Variants in PACRG observed in about 807,000 individuals in gnomAD.
PACRG encodes the protein parkin coregulated gene protein.
In PACRG, 29 loss-of-function variants were observed where a neutral mutation model predicts 29.7. The ratio of observed to expected loss-of-function variants is 0.98; its 90% CI spans 0.73 to 1.33. The LOEUF (loss-of-function observed/expected upper bound fraction) is 1.33, where lower values mean the gene tolerates loss of function less well. Ranked by LOEUF, PACRG falls within the 40% of genes most tolerant of loss-of-function variation. The probability of loss-of-function intolerance (pLI) is 0.00; values close to 1 mark genes in which losing one functional copy is unlikely to be tolerated. For synonymous variants in PACRG, 116 were observed against 118.7 expected (o/e 0.98, Z 0.15); for missense variants, 279 against 316.2 (o/e 0.88, Z 0.89).
intron 2 of PACRG, among the ~76,000 whole-genome samples, chr6:162,824,508 C>G (rs963657580): frequency 6.6e-6 from 1 of 152,042 alleles, no homozygotes; most frequent in Non-Finnish European, 1.5e-5. Flanking sequence ...ACAGATTTGC[C>G]GTTGCATTTT....
chr6:163,075,745 A>G (rs992227822), intron 3 of PACRG, among the ~76,000 whole-genome samples: 2 of 152,218 alleles, frequency 1.3e-5, no homozygotes, highest in Admixed American at 1.3e-4. Context: ...CCTTAATCTG[A>G]TACAGGGAAT....
intron 4 of PACRG, among the ~76,000 whole-genome samples, chr6:163,146,141 CTCT>C (rs962324894): frequency 2.0e-5 from 3 of 152,116 alleles, no homozygotes; most frequent in South Asian, 2.1e-4. Flanking sequence ...TCCGTTCTCC[CTCT>C]TCTTCTTTCT....
intron 2 of PACRG, among the ~76,000 whole-genome samples, chr6:162,887,880 T>A (rs184485198): frequency 9.9e-5 from 15 of 152,242 alleles, no homozygotes; most frequent in African/African-American, 3.6e-4. Flanking sequence ...TCTTGGTGAC[T>A]GTCTTTGTCT....
chr6:162,829,468 C>T (rs1788556039), intron 2 of PACRG, among the ~76,000 whole-genome samples: 1 of 152,226 alleles, frequency 6.6e-6, no homozygotes, highest in Admixed American at 6.5e-5. Flanking sequence ...ATCCATCACA[C>T]ATTTCAGAAG....
At chr6:163,114,745 A>G (rs1815890327) in intron 4 of PACRG, among the ~76,000 whole-genome samples, 1 of 152,072 alleles carries the variant, frequency 6.6e-6, no homozygotes, top group Non-Finnish European at 1.5e-5. Context: ...ACAAAATTTC[A>G]GTTATAAGAT....
intron 4 of PACRG, among the ~76,000 whole-genome samples, chr6:163,158,455 C>T (rs1460496205): frequency 6.6e-6 from 1 of 152,014 alleles, no homozygotes; most frequent in Non-Finnish European, 1.5e-5. Context: ...TCAAAGCTTC[C>T]ATTTTTATGC....
At chr6:162,812,572 A>T (rs1786969860) in intron 1 of PACRG, among the ~76,000 whole-genome samples, 1 of 151,852 alleles carries the variant, frequency 6.6e-6, no homozygotes, top group African/African-American at 2.4e-5. Context: ...TCTAAAAAAA[A>T]ATAACTTTTT....
At position 162,974,533 on chromosome 6, in the gene PACRG, G is replaced by A. The variant is rs77897166; in HGVS notation, c.292-87617G>A. On this transcript the variant is annotated intron_variant, in intron 2 of 4. Transcript: ENST00000366888. Reference sequence around the variant, plus strand: ...CATCCTGTAACCAGTCTTTTCCTGGGATCTGTTGTATCTCCATTATATACC... The same window carrying A: ...CATCCTGTAACCAGTCTTTTCCTGGAATCTGTTGTATCTCCATTATATACC... Among the ~76,000 whole-genome samples the A allele has an allele frequency of 4.0e-3, 603 of 152,114 alleles. 6 individuals carry two copies. Among genetic ancestry groups the A allele is most frequent in the African/African-American group, 0.014 (580 of 41,488 alleles).
chr6:162,787,556 T>G, intron 1 of PACRG, among the ~76,000 whole-genome samples: 1 of 115,720 alleles, frequency 8.6e-6, no homozygotes, highest in Non-Finnish European at 1.7e-5. Context: ...TATATATGGT[T>G]ATTGTGTGTG....
intron 4 of PACRG, among the ~76,000 whole-genome samples, chr6:163,283,982 G>A (rs1420171099): frequency 6.6e-6 from 1 of 151,988 alleles, no homozygotes; most frequent in Non-Finnish European, 1.5e-5. Flanking sequence ...GCATGGCGGT[G>A]CATGCCTGTA....
intron 2 of PACRG, among the ~76,000 whole-genome samples, chr6:162,955,736 A>G (rs1459594405): frequency 3.3e-5 from 5 of 152,130 alleles, no homozygotes; most frequent in African/African-American, 1.2e-4. Context: ...GGCCCTTCTG[A>G]TCCTAGTCAG....
At chr6:163,155,319 G>A (rs1156972464) in intron 4 of PACRG, among the ~76,000 whole-genome samples, 1 of 152,210 alleles carries the variant, frequency 6.6e-6, no homozygotes, top group Non-Finnish European at 1.5e-5. Context: ...CCATGAAGCT[G>A]GGAGGGTCAT....
At chr6:163,176,379 G>A (rs1779358614) in intron 4 of PACRG, among the ~76,000 whole-genome samples, 1 of 152,128 alleles carries the variant, frequency 6.6e-6, no homozygotes, top group South Asian at 2.1e-4. Flanking sequence ...CCTATTAATG[G>A]AGAACAAAGG....
intron 4 of PACRG, among the ~76,000 whole-genome samples, chr6:163,277,148 T>C (rs1467505311): frequency 6.6e-6 from 1 of 152,042 alleles, no homozygotes; most frequent in Non-Finnish European, 1.5e-5. Context: ...CAGGTGGTGT[T>C]TGGTTACATG....
intron 4 of PACRG, among the ~76,000 whole-genome samples, chr6:163,274,192 C>A (rs1400808176): frequency 1.3e-5 from 2 of 152,308 alleles, no homozygotes; most frequent in East Asian, 3.9e-4. Flanking sequence ...CCCTCCACCC[C>A]CCAACAGGCC....
intron 2 of PACRG, among the ~76,000 whole-genome samples, chr6:162,876,259 G>T (rs927144069): frequency 6.6e-6 from 1 of 152,184 alleles, no homozygotes; most frequent in African/African-American, 2.4e-5. Flanking sequence ...ACAAGGAGGA[G>T]GTCAAGAGTG....
intron 4 of PACRG, among the ~76,000 whole-genome samples, chr6:163,285,998 T>C (rs1163149598): frequency 2.6e-5 from 4 of 152,354 alleles, no homozygotes; most frequent in African/African-American, 9.6e-5. Context: ...TTCTGTCGTG[T>C]AAATCACTTT....
chr6:163,263,378 G>A (rs563245752), intron 4 of PACRG, among the ~76,000 whole-genome samples: 20 of 152,234 alleles, frequency 1.3e-4, no homozygotes, highest in Non-Finnish European at 2.4e-4. Flanking sequence ...TAAGGATCAC[G>A]TGGCGGCCGC....
rs547584183 is a variant in PACRG, at chr6:162,804,124, G to A, written c.157-10023G>A. Among the ~76,000 whole-genome samples, 15 of 152,280 alleles carry A rather than the reference G, an allele frequency of 9.9e-5. No homozygotes were observed. The East Asian group carries it at 2.9e-3, about 29-fold the overall frequency. ...AAAAATATGGTATCTGCAGTGCTAT[G>A]TTTTTGAAAAGTTTAAAGGGAAAAG... On this transcript the variant is annotated intron_variant, in intron 1 of 4. Transcript: ENST00000366888.
Sources: allele counts gnomAD v4.1 joint callset (sites outside exome capture counted in the v4.1 genomes callset), GRCh38; gene constraint gnomAD v4.1.1; transcripts MANE v1.5; gene names NCBI Gene and HGNC (gene_info 2026-07-23, HGNC 2026-07-21).